SRGAP3: variants seen among roughly 807,000 people sequenced by gnomAD.
The protein encoded by SRGAP3 is SLIT-ROBO Rho GTPase activating protein 3, also known as SLIT-ROBO Rho GTPase-activating protein 3.
SRGAP3 carries 39 observed loss-of-function variants against 121.1 expected under a neutral mutation model. The ratio of observed to expected loss-of-function variants is 0.32; its 90% confidence interval spans 0.25 to 0.42. The LOEUF (loss-of-function observed/expected upper bound fraction) is 0.42. SRGAP3 is among the 10% of genes least tolerant of loss of function. SRGAP3 has a pLI of 1.00. For missense variants in SRGAP3, 1,213 were observed against 1,470.6 expected, an observed-to-expected ratio of 0.82 and a Z score of 2.86; for synonymous variants, 601 against 570.0, an observed-to-expected ratio of 1.05 and a Z score of -0.77.
intron 3 of SRGAP3, among the ~76,000 whole-genome samples, chr3:9,320,144 A>G (rs1038679476): frequency 1.3e-5 from 2 of 151,970 alleles, no homozygotes; most frequent in African/African-American, 4.8e-5. Flanking sequence ...AAGAGGAGAC[A>G]TGGCCCTCTG....
chr3:9,280,097 C>T lies in SRGAP3; in HGVS notation n.442+45913G>A, dbSNP rs142245294. ...CATAGCGACCACAAGTTAAGGAAGA[C>T]GGATGAAAAGCTTGTAAACACAGCT... On this transcript the variant is annotated intron_variant and non_coding_transcript_variant, in intron 3 of 3. Coordinates refer to the SRGAP3 transcript ENST00000490889. 1.2e-3 allele frequency among the ~76,000 whole-genome samples: 176 copies of T among 152,290 alleles called. 1 individual carries two copies. Among genetic ancestry groups the T allele is most frequent in the African/African-American group, 4.0e-3 (168 of 41,564 alleles).
Position 9,239,217 on chromosome 3 carries a change from T to G in SRGAP3, c.67+9668A>C, listed in dbSNP as rs1349162538. ...CAACATGGTGATACCCTGTCTCTAC[T>G]AAAAATACAAAAATTAGCTGGACGT... On this transcript the variant is annotated intron_variant, in intron 1 of 21. Transcript: ENST00000383836. This position sits in a 1 kb window ranked among gnomAD's most constrained non-coding sequence, Gnocchi z 4.0. 6.6e-6 allele frequency among the ~76,000 whole-genome samples: 1 copy of G among 152,068 alleles called. No individual in the cohort carries two copies. Among genetic ancestry groups the G allele is most frequent in the Middle Eastern group, 3.2e-3 (1 of 316 alleles).
intron 1 of SRGAP3, among the ~76,000 whole-genome samples, chr3:9,125,323 C>T (rs143468884): frequency 0.011 from 1,703 of 152,220 alleles, 30 homozygotes; most frequent in African/African-American, 0.037. Context: ...CAGCCTGGGA[C>T]GTAGGAAATA....
intron 1 of SRGAP3, among the ~76,000 whole-genome samples, chr3:9,189,694 T>C (rs1250480234): frequency 1.3e-5 from 2 of 152,192 alleles, no homozygotes; most frequent in South Asian, 2.1e-4. Context: ...CTGGGATCAG[T>C]AGGAAATGGG....
chr3:9,269,262 C>T (rs1004001105), intron 3 of SRGAP3, among the ~76,000 whole-genome samples: 2 of 152,270 alleles, frequency 1.3e-5, no homozygotes, highest in Admixed American at 6.5e-5. Flanking sequence ...TAGGCACTTC[C>T]CAAGGAGGAC....
At chr3:9,347,682 A>C (rs2125293079) in intron 1 of SRGAP3, among the ~76,000 whole-genome samples, 1 of 152,320 alleles carries the variant, frequency 6.6e-6, no homozygotes, top group South Asian at 2.1e-4. Flanking sequence ...TGTACAATTG[A>C]TTCTGGTGAC....
At chr3:9,344,727 C>G (rs1250621159) in intron 1 of SRGAP3, among the ~76,000 whole-genome samples, 1 of 152,116 alleles carries the variant, frequency 6.6e-6, no homozygotes, top group Non-Finnish European at 1.5e-5. Flanking sequence ...TACTACCTTT[C>G]TATATTTCCT....
At chr3:8,996,485 T>C (rs1034842120) in intron 18 of SRGAP3, among the ~76,000 whole-genome samples, 1 of 152,166 alleles carries the variant, frequency 6.6e-6, no homozygotes, top group Non-Finnish European at 1.5e-5. Flanking sequence ...CCTCAAACAG[T>C]CAAGTCAGCT....
At chr3:9,193,462 A>C (rs1435763916) in intron 1 of SRGAP3, 1 of 152,184 alleles carries the variant, frequency 6.6e-6, no homozygotes, top group African/African-American at 2.4e-5. Flanking sequence ...CTTCTGTGAA[A>C]TGGGGAGCCA....
chr3:9,013,956 C>A, intron 15 of SRGAP3, 114 bp from the exon 16 acceptor site: 2 of 923,178 alleles, frequency 2.2e-6, no homozygotes, highest in Non-Finnish European at 3.5e-6. Context: ...GCCAGCTCTA[C>A]TCTTGATTCC....
intron 1 of SRGAP3, among the ~76,000 whole-genome samples, chr3:9,343,692 A>T (rs1955832152): frequency 6.6e-6 from 1 of 152,158 alleles, no homozygotes; most frequent in Non-Finnish European, 1.5e-5. Context: ...ATTTTTTGAG[A>T]CAGGGTCTTT....
At chr3:9,078,743 T>C (rs2669988) in intron 4 of SRGAP3, among the ~76,000 whole-genome samples, 107,708 of 152,080 alleles carry the variant, frequency 0.71, 38,349 homozygotes, top group African/African-American at 0.77. Context: ...GACCAGCTGA[T>C]GCAAAGCAAT....
At chr3:9,133,554 T>C (rs1312234026) in intron 1 of SRGAP3, among the ~76,000 whole-genome samples, 1 of 152,236 alleles carries the variant, frequency 6.6e-6, no homozygotes, top group Non-Finnish European at 1.5e-5. Context: ...TCATTCCTTT[T>C]ACAGCACACT....
intron 1 of SRGAP3, among the ~76,000 whole-genome samples, chr3:9,173,120 G>A (rs1004954621): frequency 6.6e-6 from 1 of 152,168 alleles, no homozygotes; most frequent in Non-Finnish European, 1.5e-5. Flanking sequence ...TGGGAGGTAT[G>A]GCCACATCTG....
chr3:9,014,299 G>C (rs774951147), intron 15 of SRGAP3: 2 of 213,188 alleles, frequency 9.4e-6, no homozygotes, highest in Non-Finnish European at 1.9e-5. Context: ...GAAGTAAGCA[G>C]GTTTAAGCTG....
At chr3:9,017,382 T>C (rs1049659769) in intron 14 of SRGAP3, among the ~76,000 whole-genome samples, 6 of 152,244 alleles carry the variant, frequency 3.9e-5, no homozygotes, top group Non-Finnish European at 5.9e-5. Flanking sequence ...TGCTTTATCC[T>C]ATAATACACA....
intron 1 of SRGAP3, chr3:9,348,915 T>C (rs2029899698): frequency 4.0e-6 from 4 of 1,003,832 alleles, no homozygotes; most frequent in Admixed American, 1.7e-5. Flanking sequence ...AAGGACACTA[T>C]TGCCAAGGCT....
chr3:9,070,952 G>C (rs1027426533), intron 4 of SRGAP3, among the ~76,000 whole-genome samples: 6 of 152,194 alleles, frequency 3.9e-5, no homozygotes, highest in Non-Finnish European at 8.8e-5. Context: ...GGCACCATAG[G>C]AAGGCTTCCC....
At chr3:9,074,288 C>T (rs1444971464) in intron 4 of SRGAP3, among the ~76,000 whole-genome samples, 2 of 152,170 alleles carry the variant, frequency 1.3e-5, no homozygotes, top group African/African-American at 4.8e-5. Context: ...ACTCAGGACT[C>T]AGGTTTGCTA....
Sources: allele counts gnomAD v4.1 joint callset (sites outside exome capture counted in the v4.1 genomes callset), GRCh38; gene constraint gnomAD v4.1.1; non-coding constraint Gnocchi (gnomAD v3.1); transcripts MANE v1.5; gene names NCBI Gene and HGNC (gene_info 2026-07-23, HGNC 2026-07-21).